Variants in PTPRK observed in about 807,000 individuals in gnomAD.
PTPRK encodes receptor-type tyrosine-protein phosphatase kappa.
Under a neutral mutation model 178.0 loss-of-function variants are expected in PTPRK, and 75 were observed. The observed-to-expected ratio is 0.42, with a 90% confidence interval of 0.35 to 0.51. The LOEUF (loss-of-function observed/expected upper bound fraction) is 0.51. PTPRK is among the 20% of genes least tolerant of loss of function. The pLI is 0.02. For synonymous variants in PTPRK, 637 were observed against 620.6 expected, an observed-to-expected ratio of 1.03 and a Z score of -0.39; for missense variants, 1,441 against 1,797.8, an observed-to-expected ratio of 0.80 and a Z score of 3.59.
At chr6:128,301,772 A>G (rs931241050) in intron 3 of PTPRK, among the ~76,000 whole-genome samples, 1 of 152,188 alleles carries the variant, frequency 6.6e-6, no homozygotes, top group Non-Finnish European at 1.5e-5. Context: ...AGAGTTGGAG[A>G]TCATCATTGA....
At chr6:128,085,049 C>T (rs976076865) in intron 8 of PTPRK, 1 of 152,096 alleles carries the variant, frequency 6.6e-6, no homozygotes, top group African/African-American at 2.4e-5. Context: ...AATGATATCT[C>T]ACGAGAGCAG....
intron 20 of PTPRK, 27 bp downstream of exon 20, chr6:127,991,267 C>CA (rs749067406): frequency 6.5e-6 from 10 of 1,534,518 alleles, no homozygotes; most frequent in Admixed American, 1.9e-5. Context: ...ATTTTTATGA[C>CA]AAAAAAATTC....
intron 7 of PTPRK, among the ~76,000 whole-genome samples, chr6:128,121,634 T>C (rs1792483792): frequency 4.6e-5 from 7 of 152,058 alleles, no homozygotes; most frequent in Admixed American, 4.6e-4. Context: ...CATATGAAAC[T>C]AAGGTAATTT....
intron 2 of PTPRK, among the ~76,000 whole-genome samples, chr6:128,352,748 T>C (rs1319015053): frequency 3.9e-5 from 6 of 152,204 alleles, no homozygotes; most frequent in Admixed American, 2.0e-4. Flanking sequence ...TCCACAGCAG[T>C]ATCCCCTAAC....
At chr6:128,152,034 A>C (rs77013743) in intron 7 of PTPRK, among the ~76,000 whole-genome samples, 3,366 of 152,118 alleles carry the variant, frequency 0.022, 100 homozygotes, top group African/African-American at 0.047. Flanking sequence ...ACCAAAGATT[A>C]AGGAGACCTA....
rs550926158 is a variant in PTPRK, at chr6:128,241,315, C to T, written c.578-1165G>A. ...TTTACGAACTCTAGACCAGCAACAT[C>T]AGCTGCACTGGAATCAGAAATGCAA... On this transcript the variant is annotated intron_variant, in intron 4 of 29. Transcript: ENST00000368226. 7.5e-6 allele frequency: 4 copies of T among 533,134 alleles called. No homozygotes were observed. The African/African-American group carries it at 7.7e-5, about 10-fold the overall frequency. The allele number at this position is 533,134 out of a possible 1,614,324, so 33.0% of individuals were successfully genotyped here.
chr6:128,152,490 C>T (rs1797397674), intron 7 of PTPRK, among the ~76,000 whole-genome samples: 1 of 150,498 alleles, frequency 6.6e-6, no homozygotes, highest in East Asian at 2.0e-4. Context: ...CAGATCCTGA[C>T]AGGGTAGGGA....
At chr6:128,308,434 A>G (rs899052138) in intron 3 of PTPRK, among the ~76,000 whole-genome samples, 1 of 151,914 alleles carries the variant, frequency 6.6e-6, no homozygotes, top group Non-Finnish European at 1.5e-5. Context: ...ATATTAATAA[A>G]AGAAAATTAA....
At chr6:128,317,782 A>T (rs760864660) in intron 3 of PTPRK, among the ~76,000 whole-genome samples, 15 of 152,204 alleles carry the variant, frequency 9.9e-5, no homozygotes, top group Non-Finnish European at 1.9e-4. Context: ...TCTCTTTATT[A>T]TCAGGGAGGA....
chr6:127,983,595 A>T (rs190521022), intron 22 of PTPRK, among the ~76,000 whole-genome samples: 17 of 152,334 alleles, frequency 1.1e-4, no homozygotes, highest in Admixed American at 1.1e-3. Flanking sequence ...CAAGAGTTCT[A>T]AATTATTTTC....
intron 2 of PTPRK, among the ~76,000 whole-genome samples, chr6:128,375,074 A>ATTATTATTC (rs1836850980): frequency 1.4e-5 from 2 of 146,326 alleles, no homozygotes; most frequent in African/African-American, 2.5e-5. Context: ...TATTATTATT[A>ATTATTATTC]TTATTATTAT....
intron 8 of PTPRK, among the ~76,000 whole-genome samples, chr6:128,084,569 A>T (rs1785409932): frequency 6.6e-6 from 1 of 152,198 alleles, no homozygotes; most frequent in Non-Finnish European, 1.5e-5. Flanking sequence ...CTCAGCTATG[A>T]CCATATTTGA....
intron 1 of PTPRK, among the ~76,000 whole-genome samples, chr6:128,451,425 G>A (rs1358552549): frequency 6.6e-6 from 1 of 152,032 alleles, no homozygotes; most frequent in Non-Finnish European, 1.5e-5. Flanking sequence ...ATAAAAGAAG[G>A]ATATACACAA....
intron 13 of PTPRK, among the ~76,000 whole-genome samples, chr6:128,023,794 T>C (rs778483853): frequency 2.0e-5 from 3 of 151,594 alleles, no homozygotes; most frequent in Non-Finnish European, 4.4e-5. Context: ...GCTGGGACTA[T>C]AGGGACATGC....
At chr6:128,142,487 AAAC>A (rs1795910265) in intron 7 of PTPRK, among the ~76,000 whole-genome samples, 1 of 151,334 alleles carries the variant, frequency 6.6e-6, no homozygotes, top group Non-Finnish European at 1.5e-5. Flanking sequence ...GAAGTTAAGA[AAAC>A]AAATTCTCCC....
chr6:128,492,186 C>T (rs1025782048), intron 1 of PTPRK, among the ~76,000 whole-genome samples: 1 of 152,046 alleles, frequency 6.6e-6, no homozygotes, highest in African/African-American at 2.4e-5. Context: ...TACTTCTGGG[C>T]CCTTCACATG....
chr6:128,256,702 C>A (rs193239329), intron 3 of PTPRK, among the ~76,000 whole-genome samples: 2 of 152,100 alleles, frequency 1.3e-5, no homozygotes, highest in Non-Finnish European at 2.9e-5. Flanking sequence ...TCCCAAAGTG[C>A]TGGGATTACA....
At chr6:128,215,373 T>C (rs182164778) in intron 6 of PTPRK, among the ~76,000 whole-genome samples, 104 of 152,310 alleles carry the variant, frequency 6.8e-4, no homozygotes, top group African/African-American at 2.3e-3. Flanking sequence ...TGCATTCAGT[T>C]TGAAGCTTAT....
intron 4 of PTPRK, 144 bp from the exon 5 acceptor site, chr6:128,240,294 T>C: frequency 1.6e-6 from 1 of 634,152 alleles, no homozygotes; most frequent in South Asian, 2.0e-5. Flanking sequence ...AGGGGCTTTT[T>C]TTGTGCCGGA....
Sources: gnomAD v4.1 joint callset for allele counts (sites outside exome capture counted in the v4.1 genomes callset) on GRCh38, gnomAD v4.1.1 for gene constraint, MANE v1.5 for transcripts, NCBI Gene and HGNC (gene_info 2026-07-23, HGNC 2026-07-21) for gene names.